PCDH15: variants seen among roughly 807,000 people sequenced by gnomAD.
The protein encoded by PCDH15 is protocadherin related 15, also known as protocadherin-15.
Under a neutral mutation model 178.5 loss-of-function variants are expected in PCDH15, and 129 were observed. The ratio of observed to expected loss-of-function variants is 0.72; its 90% confidence interval spans 0.63 to 0.84. PCDH15 has a LOEUF of 0.84. Ranked by LOEUF, PCDH15 falls within the 40% of genes least tolerant of loss-of-function variation. PCDH15 has a pLI of 0.00. For synonymous variants in PCDH15, 800 were observed against 732.0 expected, an observed-to-expected ratio of 1.09 and a Z score of -1.50; for missense variants, 2,230 against 2,099.9, an observed-to-expected ratio of 1.06 and a Z score of -1.21.
chr10:55,108,933 A>G (rs1433979699), intron 2 of PCDH15, among the ~76,000 whole-genome samples: 1 of 152,214 alleles, frequency 6.6e-6, no homozygotes, highest in African/African-American at 2.4e-5. Flanking sequence ...CACTACCAAA[A>G]TGATGATCCC....
At chr10:53,842,490 G>A (rs1318934605) in intron 28 of PCDH15, among the ~76,000 whole-genome samples, 4 of 151,926 alleles carry the variant, frequency 2.6e-5, no homozygotes, top group African/African-American at 9.7e-5. Context: ...CAAGTGATCC[G>A]CCCGCCTCGG....
At chr10:54,278,965 G>T (rs2044001) in intron 8 of PCDH15, among the ~76,000 whole-genome samples, 74,376 of 151,118 alleles carry the variant, frequency 0.49, 19,286 homozygotes, top group Middle Eastern at 0.6. Context: ...AAGTATACAT[G>T]ATATTATACA....
At chr10:54,464,141 A>G (rs1355224360) in intron 3 of PCDH15, among the ~76,000 whole-genome samples, 1 of 152,144 alleles carries the variant, frequency 6.6e-6, no homozygotes, top group Non-Finnish European at 1.5e-5. Flanking sequence ...GAATGGGTAC[A>G]GTTTCAAGAA....
intron 2 of PCDH15, among the ~76,000 whole-genome samples, chr10:54,652,777 T>C (rs1183957795): frequency 6.6e-6 from 1 of 152,126 alleles, no homozygotes; most frequent in Non-Finnish European, 1.5e-5. Flanking sequence ...TGATCTTGGA[T>C]AATTCCAGTC....
intron 1 of PCDH15, among the ~76,000 whole-genome samples, chr10:54,751,903 T>C (rs1273915080): frequency 6.6e-6 from 1 of 152,154 alleles, no homozygotes; most frequent in Non-Finnish European, 1.5e-5. Flanking sequence ...GGTATCACAT[T>C]ATACTGCCAT....
At chr10:53,993,084 T>A (rs1160354530) in intron 21 of PCDH15, among the ~76,000 whole-genome samples, 1 of 152,184 alleles carries the variant, frequency 6.6e-6, no homozygotes, top group Non-Finnish European at 1.5e-5. Flanking sequence ...CCTCTAGAAA[T>A]GAAAATTATT....
chr10:54,216,807 A>T (rs1253161102), intron 9 of PCDH15, among the ~76,000 whole-genome samples: 1 of 152,180 alleles, frequency 6.6e-6, no homozygotes, highest in Non-Finnish European at 1.5e-5. Flanking sequence ...TTTCCCATTT[A>T]TAATAACGGA....
chr10:55,102,318 T>C (rs769693085), intron 2 of PCDH15, among the ~76,000 whole-genome samples: 9 of 152,130 alleles, frequency 5.9e-5, no homozygotes, highest in Non-Finnish European at 1.3e-4. Flanking sequence ...TATTGACTTC[T>C]TTCAGAGAGC....
intron 8 of PCDH15, among the ~76,000 whole-genome samples, chr10:54,282,999 G>C (rs1385365410): frequency 6.6e-6 from 1 of 152,004 alleles, no homozygotes; most frequent in Non-Finnish European, 1.5e-5. Context: ...AGTTAAAAAA[G>C]TAGACCTTAC....
chr10:53,914,441 A>G (rs1232189013), intron 25 of PCDH15, among the ~76,000 whole-genome samples: 3 of 152,228 alleles, frequency 2.0e-5, no homozygotes, highest in African/African-American at 4.8e-5. Context: ...GCCATAAAAA[A>G]TGATGAGTTC....
rs947904690 is a variant in PCDH15, at chr10:53,806,192, G to A, written c.*387C>T. The A allele has an allele frequency of 5.7e-6, 1 of 176,594 alleles. No individual in the cohort carries two copies. The highest frequency in any genetic ancestry group is 2.4e-5 in the African/African-American group (1 of 41,588). The allele number at this position is 176,594 out of a possible 1,614,324, so 10.9% of individuals were successfully genotyped here. Reference sequence around the variant, plus strand: ...ACTTCTTTTTTGCCCTTTTGGCTATGGAAAATAAAATTACATGTACTAAAA... The same window carrying A: ...ACTTCTTTTTTGCCCTTTTGGCTATAGAAAATAAAATTACATGTACTAAAA... On this transcript the variant is annotated 3_prime_UTR_variant, in exon 38 of 38. Coordinates refer to ENST00000644397, the MANE Select transcript of PCDH15 (RefSeq NM_001384140.1).
intron 5 of PCDH15, among the ~76,000 whole-genome samples, chr10:54,347,781 C>A (rs952048887): frequency 2.6e-5 from 4 of 152,026 alleles, no homozygotes; most frequent in African/African-American, 9.7e-5. Flanking sequence ...GCCCATGCTA[C>A]CAAGTCTTCT....
intron 25 of PCDH15, among the ~76,000 whole-genome samples, chr10:53,913,542 G>A (rs1319406487): frequency 6.6e-6 from 1 of 150,772 alleles, no homozygotes; most frequent in Non-Finnish European, 1.5e-5. Flanking sequence ...GACCAACCTG[G>A]CTAACATGGT....
chr10:54,968,671 T>C (rs1279708116), intron 2 of PCDH15, among the ~76,000 whole-genome samples: 2 of 152,168 alleles, frequency 1.3e-5, no homozygotes, highest in Non-Finnish European at 2.9e-5. Flanking sequence ...TGCCCGTGTG[T>C]AGAGTCTGTC....
At chr10:54,307,038 G>A (rs1386256021) in intron 8 of PCDH15, among the ~76,000 whole-genome samples, 301 of 24,778 alleles carry the variant, frequency 0.012, 14 homozygotes, top group African/African-American at 0.03. Context: ...ATGTGTGTGT[G>A]TGTATATATA....
At chr10:54,568,414 C>T (rs751396911) in intron 2 of PCDH15, among the ~76,000 whole-genome samples, 1 of 151,986 alleles carries the variant, frequency 6.6e-6, no homozygotes, top group Non-Finnish European at 1.5e-5. Flanking sequence ...TATATTACAT[C>T]TTCATTTGTT....
chr10:54,078,188 TTATATG>T (rs2094375318), intron 17 of PCDH15, among the ~76,000 whole-genome samples: 2 of 152,280 alleles, frequency 1.3e-5, no homozygotes, highest in South Asian at 4.1e-4. Flanking sequence ...GTATATTTTA[TTATATG>T]TATAAGTATG....
intron 28 of PCDH15, among the ~76,000 whole-genome samples, chr10:53,845,269 T>C (rs1350303798): frequency 6.6e-6 from 1 of 151,884 alleles, no homozygotes; most frequent in Non-Finnish European, 1.5e-5. Context: ...ATTTATACAT[T>C]CTTGGGGGGA....
chr10:54,961,095 G>C (rs762691214), intron 2 of PCDH15, among the ~76,000 whole-genome samples: 1 of 152,192 alleles, frequency 6.6e-6, no homozygotes, highest in Non-Finnish European at 1.5e-5. Flanking sequence ...GTGACTGCCC[G>C]TCTGGAGCAG....
Sources: allele counts gnomAD v4.1 joint callset (sites outside exome capture counted in the v4.1 genomes callset), GRCh38; gene constraint gnomAD v4.1.1; transcripts MANE v1.5; gene names NCBI Gene and HGNC (gene_info 2026-07-23, HGNC 2026-07-21).